The following ETS1 variants were observed in gnomAD, a reference collection of about 807,000 sequenced individuals.
ETS1 encodes the protein protein C-ets-1.
In ETS1, 15 loss-of-function variants were observed where a neutral mutation model predicts 58.6. That is an observed-to-expected ratio of 0.26 (90% CI 0.17 to 0.39). ETS1 has a LOEUF of 0.39. Ranked by LOEUF, ETS1 falls within the 10% of genes least tolerant of loss-of-function variation. The pLI, the probability that ETS1 is intolerant of heterozygous loss-of-function variation, is 1.00. For missense variants in ETS1, 417 were observed against 610.5 expected, an observed-to-expected ratio of 0.68 and a Z score of 3.34; for synonymous variants, 214 against 218.2, an observed-to-expected ratio of 0.98 and a Z score of 0.17.
chr11:128,489,474 T>C lies in ETS1; in HGVS notation c.351A>G (p.Thr117=). 6.2e-7 allele frequency: 1 copy of C among 1,613,940 alleles called. No individual in the cohort carries two copies. The highest frequency in any genetic ancestry group is 1.1e-5 in the South Asian group (1 of 91,076). The stretch of plus-strand genomic sequence containing the variant: ...TCACCCAGTCCCGAACATGGGTTTC[T>C]GTCCACTGCCGGGGGTCTGAGGAAA... ...LGIPKDPRQW[T]ETHVRDWVMW... The change falls in exon 5 of 10, where the codon ACA becomes ACG. Residue 117 remains threonine, a synonymous_variant. Transcript: ENST00000392668.
intron 3 of ETS1, chr11:128,526,313 C>T (rs1863800360): frequency 6.5e-6 from 1 of 153,038 alleles, no homozygotes; most frequent in Non-Finnish European, 1.5e-5. Context: ...TGAATTGCCA[C>T]AGGTAAGTCA....
At chr11:128,583,624 GAA>G (rs1208467911) in intron 1 of ETS1, among the ~76,000 whole-genome samples, 10 of 152,062 alleles carry the variant, frequency 6.6e-5, no homozygotes, top group African/African-American at 2.4e-4. Flanking sequence ...ATTTCAAAGT[GAA>G]AAGTTTTTTT....
At chr11:128,521,626 G>A (rs1176635134) in intron 3 of ETS1, among the ~76,000 whole-genome samples, 3 of 152,164 alleles carry the variant, frequency 2.0e-5, no homozygotes, top group African/African-American at 2.4e-5. Flanking sequence ...AAAAAAAGCA[G>A]GAATGGGGCG....
In ETS1 at chr11:128,537,041, A is replaced by T. The variant is rs529624987; in HGVS notation, c.214+19250T>A. On this transcript the variant is annotated intron_variant, in intron 3 of 9. Transcript: ENST00000392668. ...TGGGAAAGGATCCCAGCCTCACTGT[A>T]TGCAGTATCTGTCCAGGGTACAGAG... is the stretch of plus-strand genomic sequence containing the variant. Among the ~76,000 whole-genome samples the T allele has an allele frequency of 3.3e-3, 508 of 152,270 alleles. 3 individuals carry two copies. Among genetic ancestry groups the T allele is most frequent in the African/African-American group, 0.011 (465 of 41,546 alleles).
chr11:128,472,438 A>G (rs958040604), intron 8 of ETS1, among the ~76,000 whole-genome samples: 1 of 152,220 alleles, frequency 6.6e-6, no homozygotes, highest in African/African-American at 2.4e-5. Flanking sequence ...GAAGCCCATC[A>G]CGGACTACTG....
intron 3 of ETS1, among the ~76,000 whole-genome samples, chr11:128,554,720 A>G (rs2135556258): frequency 6.6e-6 from 1 of 152,100 alleles, no homozygotes; most frequent in Admixed American, 6.5e-5. Flanking sequence ...GACCATCGAG[A>G]GCTGCAAGTG....
chr11:128,542,910 C>T (rs1217094209), intron 3 of ETS1, among the ~76,000 whole-genome samples: 1 of 152,168 alleles, frequency 6.6e-6, no homozygotes, highest in South Asian at 2.1e-4. Flanking sequence ...TGGTGGCTCA[C>T]ACCTGTAATC....
At chr11:128,566,714 C>T (rs1051239435) in intron 2 of ETS1, among the ~76,000 whole-genome samples, 12 of 150,520 alleles carry the variant, frequency 8.0e-5, no homozygotes, top group East Asian at 2.0e-4. Context: ...ATCTGGGGGG[C>T]AGAGCCTGCT....
chr11:128,583,532 T>G (rs12099191), intron 1 of ETS1, among the ~76,000 whole-genome samples: 24 of 150,106 alleles, frequency 1.6e-4, no homozygotes, highest in African/African-American at 5.3e-4. Context: ...GCATTATATG[T>G]TTTTTTTTAC....
At chr11:128,558,173 A>T (rs1864344067) in intron 2 of ETS1, among the ~76,000 whole-genome samples, 1 of 152,152 alleles carries the variant, frequency 6.6e-6, no homozygotes, top group African/African-American at 2.4e-5. Context: ...TGTAAGTGGG[A>T]CTCAGTGGAA....
At position 128,463,951 on chromosome 11, in the gene ETS1, G is replaced by T. The variant is rs1443896001; in HGVS notation, c.1124-324C>A. 1.7e-5 allele frequency: 3 copies of T among 178,358 alleles called. No individual in the cohort carries two copies. Among genetic ancestry groups the T allele is most frequent in the Non-Finnish European group, 3.5e-5 (3 of 84,512 alleles). 11.0% of individuals were successfully genotyped at this position (178,358 alleles called of 1,614,324 possible). A position where few individuals can be genotyped will look rare whatever the true frequency, so the allele number is the denominator to read the frequency against. Reference sequence around the variant, plus strand: ...CTATCCTCTGGGATATTCTAAGGCAGCATAATCTTTTACACCTGCAAAAAC... The same window carrying T: ...CTATCCTCTGGGATATTCTAAGGCATCATAATCTTTTACACCTGCAAAAAC... On this transcript the variant is annotated intron_variant, in intron 8 of 9. Transcript: ENST00000392668. The surrounding 1 kb of genome is among the most constrained non-coding windows in gnomAD (Gnocchi z 4.1).
At chr11:128,585,430 CT>C (rs1260495401) in intron 1 of ETS1, among the ~76,000 whole-genome samples, 1 of 152,024 alleles carries the variant, frequency 6.6e-6, no homozygotes, top group Non-Finnish European at 1.5e-5. Context: ...GAATTTTGAA[CT>C]GGTAATTAGA....
intron 8 of ETS1, among the ~76,000 whole-genome samples, chr11:128,465,793 C>T (rs563123529): frequency 8.5e-5 from 13 of 152,354 alleles, no homozygotes; most frequent in African/African-American, 1.4e-4. Flanking sequence ...GCTCTACACT[C>T]GTTTCCTTCA....
intron 2 of ETS1, among the ~76,000 whole-genome samples, chr11:128,568,407 C>T (rs930457258): frequency 6.6e-5 from 10 of 152,204 alleles, no homozygotes; most frequent in African/African-American, 1.9e-4. Context: ...CTTCCAGGCT[C>T]ACAGCGGGCT....
In ETS1 at chr11:128,484,384, G is replaced by A. The variant is rs138504347; in HGVS notation, c.862+439C>T. ...AGAGGTCATTCCAGGTACCCAGCTA[G>A]GATCTACAGTCAGACCCAGGAGTCC... On this transcript the variant is annotated intron_variant, in intron 7 of 9. Coordinates refer to ENST00000392668, the MANE Select transcript of ETS1 (RefSeq NM_001143820.2). Among the ~76,000 whole-genome samples, 818 of 152,228 alleles carry A rather than the reference G, an allele frequency of 5.4e-3. 6 individuals are homozygous for A. The highest frequency in any genetic ancestry group is 0.02 in the Middle Eastern group (6 of 294).
At chr11:128,524,647 A>T (rs934024930) in intron 3 of ETS1, among the ~76,000 whole-genome samples, 3 of 152,196 alleles carry the variant, frequency 2.0e-5, no homozygotes, top group Non-Finnish European at 4.4e-5. Flanking sequence ...ATTTTTCTAA[A>T]TGTTCATATG....
chr11:128,489,068 A>C (rs1163112947), intron 5 of ETS1, among the ~76,000 whole-genome samples: 1 of 152,204 alleles, frequency 6.6e-6, no homozygotes, highest in East Asian at 1.9e-4. Flanking sequence ...ATCTTGCTGA[A>C]GATTAATATC....
chr11:128,468,873 C>T lies in ETS1; in HGVS notation c.1124-5246G>A, dbSNP rs146328154. ...CAAAAAATTCTTTGCTGTTGAATGA[C>T]TGTGTCATTTGACATGTTCTCCCTG... On this transcript the variant is annotated intron_variant, in intron 8 of 9. Coordinates refer to ENST00000392668, the MANE Select transcript of ETS1 (RefSeq NM_001143820.2). Among the ~76,000 whole-genome samples, 64 of 152,346 alleles carry T rather than the reference C, an allele frequency of 4.2e-4. 1 individual carries two copies. The highest frequency in any genetic ancestry group is 1.4e-3 in the African/African-American group (60 of 41,574).
In ETS1 at chr11:128,586,149, G is replaced by T. The variant is rs146220246; in HGVS notation, c.-15+1339C>A. ...GGAACCAGGACGGAAGAGGCTGCATGGATGCCTGAACTGTTTGTTATTTCA... is the reference window on the plus strand; with the variant it reads ...GGAACCAGGACGGAAGAGGCTGCATTGATGCCTGAACTGTTTGTTATTTCA... On this transcript the variant is annotated intron_variant, in intron 1 of 9. Transcript: ENST00000392668. Among the ~76,000 whole-genome samples, 254 of 152,324 alleles carry T rather than the reference G, an allele frequency of 1.7e-3. 1 individual carries two copies. In the East Asian group the frequency reaches 0.024, roughly 14 times the overall value.
Sources: allele counts gnomAD v4.1 joint callset (sites outside exome capture counted in the v4.1 genomes callset), GRCh38; gene constraint gnomAD v4.1.1; non-coding constraint Gnocchi (gnomAD v3.1); transcripts MANE v1.5; gene names NCBI Gene and HGNC (gene_info 2026-07-23, HGNC 2026-07-21).